The following DNAH9 variants were observed in gnomAD, a reference collection of about 807,000 sequenced individuals.
DNAH9 encodes DNAH9 variant protein.
Under a neutral mutation model 471.6 loss-of-function variants are expected in DNAH9, and 345 were observed. The observed-to-expected ratio is 0.73, with a 90% CI of 0.67 to 0.80. The LOEUF (loss-of-function observed/expected upper bound fraction) is 0.80. Ranked by LOEUF, DNAH9 falls within the 30% of genes least tolerant of loss-of-function variation. The pLI is 0.00. For missense variants in DNAH9, 5,407 were observed against 5,609.2 expected (o/e 0.96, Z 1.15); for synonymous variants, 2,093 against 2,123.6 (o/e 0.99, Z 0.40).
intron 12 of DNAH9, among the ~76,000 whole-genome samples, chr17:11,650,199 G>T (rs1427852792): frequency 6.6e-6 from 1 of 152,176 alleles, no homozygotes; most frequent in Non-Finnish European, 1.5e-5. Context: ...TAGCAATAAA[G>T]AATTGACCCA....
chr17:11,613,499 G>A (rs2072679564), intron 4 of DNAH9, among the ~76,000 whole-genome samples: 1 of 152,084 alleles, frequency 6.6e-6, no homozygotes. Context: ...CAGCTAATTG[G>A]GAGGCTGAGG....
chr17:11,662,365 T>C (rs906875747), intron 14 of DNAH9, among the ~76,000 whole-genome samples: 1 of 152,180 alleles, frequency 6.6e-6, no homozygotes, highest in East Asian at 1.9e-4. Context: ...ATTATGATAT[T>C]CTTATCTACT....
intron 55 of DNAH9, among the ~76,000 whole-genome samples, 166 bp downstream of exon 55, chr17:11,881,579 G>A (rs1025137977): frequency 6.6e-6 from 1 of 152,116 alleles, no homozygotes; most frequent in Non-Finnish European, 1.5e-5. Context: ...ACCATACTGG[G>A]GAAAGAAGGA....
chr17:11,624,764 C>T (rs544025876), intron 6 of DNAH9, among the ~76,000 whole-genome samples: 14 of 152,092 alleles, frequency 9.2e-5, no homozygotes, highest in Non-Finnish European at 2.1e-4. Context: ...TTTCCTCCCA[C>T]TTTCCTGGTT....
intron 49 of DNAH9, among the ~76,000 whole-genome samples, chr17:11,836,701 C>G (rs966917598): frequency 2.0e-5 from 3 of 152,186 alleles, no homozygotes; most frequent in African/African-American, 4.8e-5. Flanking sequence ...AAATCTTACC[C>G]AAATTGCGAA....
intron 49 of DNAH9, among the ~76,000 whole-genome samples, chr17:11,844,109 G>T (rs1158616918): frequency 6.6e-6 from 1 of 151,118 alleles, no homozygotes; most frequent in Admixed American, 6.6e-5. Context: ...AACTGTAAAA[G>T]AACTAGAAAA....
chr17:11,679,681 G>A, intron 17 of DNAH9, 76 bp from the exon 18 acceptor site: 1 of 1,033,346 alleles, frequency 9.7e-7, no homozygotes, highest in Non-Finnish European at 1.5e-6. Context: ...AGATATTTTT[G>A]TTGGGGAAAT....
chr17:11,695,490 G>A (rs558349324), intron 22 of DNAH9, among the ~76,000 whole-genome samples: 1 of 152,274 alleles, frequency 6.6e-6, no homozygotes, highest in South Asian at 2.1e-4. Flanking sequence ...CTGGCTTCTG[G>A]TTCTAGACAG....
At chr17:11,654,313 G>A (rs544482209) in intron 14 of DNAH9, among the ~76,000 whole-genome samples, 1,461 of 44,412 alleles carry the variant, frequency 0.033, 142 homozygotes, top group Non-Finnish European at 0.053. Flanking sequence ...CCGAGATTGC[G>A]CCACTGCACT....
At chr17:11,672,040 G>A (rs1292635810) in intron 17 of DNAH9, among the ~76,000 whole-genome samples, 1 of 152,130 alleles carries the variant, frequency 6.6e-6, no homozygotes, top group Non-Finnish European at 1.5e-5. Flanking sequence ...TGGAGGATTC[G>A]ATAAAATAGA....
At chr17:11,779,805 A>G (rs1028278717) in intron 38 of DNAH9, among the ~76,000 whole-genome samples, 1 of 152,234 alleles carries the variant, frequency 6.6e-6, no homozygotes, top group African/African-American at 2.4e-5. Context: ...ATTGGTTGAT[A>G]GTGTATGTTA....
intron 29 of DNAH9, 39 bp downstream of exon 29, chr17:11,739,076 A>G: frequency 6.6e-7 from 1 of 1,509,172 alleles, no homozygotes; most frequent in East Asian, 2.3e-5. Flanking sequence ...GCCCCAAAAG[A>G]GAAGTTTCTT....
chr17:11,966,280 A>G (rs1449223737), intron 68 of DNAH9, among the ~76,000 whole-genome samples: 2 of 152,270 alleles, frequency 1.3e-5, no homozygotes, highest in Non-Finnish European at 2.9e-5. Flanking sequence ...ATCAGAAACC[A>G]TGAAAGAGGA....
chr17:11,895,532 A>G (rs1973193485), intron 59 of DNAH9, among the ~76,000 whole-genome samples: 1 of 152,242 alleles, frequency 6.6e-6, no homozygotes, highest in African/African-American at 2.4e-5. Flanking sequence ...AAGAAATAAT[A>G]CAGAGATATC....
intron 17 of DNAH9, 92 bp downstream of exon 17, chr17:11,669,886 T>G: frequency 1.8e-6 from 2 of 1,122,852 alleles, no homozygotes; most frequent in Non-Finnish European, 1.3e-6. Flanking sequence ...CCCATGGGTA[T>G]GTTGGTTAAA....
intron 6 of DNAH9, among the ~76,000 whole-genome samples, chr17:11,624,939 T>G (rs1166833254): frequency 5.3e-5 from 8 of 152,228 alleles, no homozygotes; most frequent in Non-Finnish European, 8.8e-5. Flanking sequence ...TTTGACTTTA[T>G]GACTTACTAA....
At chr17:11,632,966 G>A (rs967833928) in intron 8 of DNAH9, among the ~76,000 whole-genome samples, 1 of 152,034 alleles carries the variant, frequency 6.6e-6, no homozygotes, top group African/African-American at 2.4e-5. Context: ...ATCTCTTTAG[G>A]TGCCATACCT....
chr17:11,914,712 ATTCT>A (rs1377796271), intron 61 of DNAH9, among the ~76,000 whole-genome samples: 2 of 152,146 alleles, frequency 1.3e-5, no homozygotes, highest in East Asian at 3.8e-4. Flanking sequence ...GTGAAATTAT[ATTCT>A]TTCTTTGTTT....
chr17:11,740,238 C>G (rs2075411945), intron 29 of DNAH9, among the ~76,000 whole-genome samples: 1 of 152,192 alleles, frequency 6.6e-6, no homozygotes, highest in African/African-American at 2.4e-5. Context: ...GATAAGAATT[C>G]TTTCTTACCT....
Sources: allele counts gnomAD v4.1 joint callset (sites outside exome capture counted in the v4.1 genomes callset), GRCh38; gene constraint gnomAD v4.1.1; transcripts MANE v1.5; gene names NCBI Gene and HGNC (gene_info 2026-07-23, HGNC 2026-07-21).